Variants in CLPTM1 observed in about 807,000 individuals in gnomAD.
CLPTM1 encodes the protein CLPTM1 regulator of GABA type A receptor forward trafficking, also known as putative lipid scramblase CLPTM1.
Under a neutral mutation model 77.3 loss-of-function variants are expected in CLPTM1, and 21 were observed. The observed-to-expected ratio is 0.27, with a 90% confidence interval of 0.19 to 0.39. The LOEUF (loss-of-function observed/expected upper bound fraction) is 0.39, where lower values mean the gene tolerates loss of function less well. Among genes scored for constraint, CLPTM1 ranks in the 10% least tolerant of loss-of-function variants. CLPTM1 has a pLI of 1.00. For missense variants in CLPTM1, 642 were observed against 921.2 expected (o/e 0.70, Z 3.92); for synonymous variants, 373 against 381.0 (o/e 0.98, Z 0.24).
intron 5 of CLPTM1, among the ~76,000 whole-genome samples, chr19:44,978,233 C>T (rs1323849756): frequency 1.3e-5 from 2 of 151,826 alleles, no homozygotes; most frequent in Non-Finnish European, 2.9e-5. Flanking sequence ...GGTGAAACCC[C>T]GTCTCTACTA....
At chr19:44,979,687 C>G (rs1203631465) in intron 5 of CLPTM1, among the ~76,000 whole-genome samples, 2 of 152,136 alleles carry the variant, frequency 1.3e-5, no homozygotes, top group African/African-American at 4.8e-5. Flanking sequence ...ACTTGAGCCC[C>G]TTTCTGAGTG....
Position 44,991,217 on chromosome 19 carries a change from C to T in CLPTM1, c.1420-21C>T. 1.9e-6 allele frequency: 3 copies of T among 1,613,386 alleles called. No individual in the cohort carries two copies. The highest frequency in any genetic ancestry group is 2.5e-6 in the Non-Finnish European group (3 of 1,179,676). ...GCAGGGCTGAGGAGCTGGCTGACAG[C>T]CCCACCCTGTGGCCCCACAGATGGC... On this transcript the variant is annotated intron_variant, in intron 11 of 13. Transcript: ENST00000337392. The surrounding 1 kb of genome is among the most constrained non-coding windows in gnomAD (Gnocchi z 5.4).
At chr19:44,968,254 G>A (rs1970665153) in intron 2 of CLPTM1, among the ~76,000 whole-genome samples, 1 of 152,154 alleles carries the variant, frequency 6.6e-6, no homozygotes, top group Admixed American at 6.6e-5. Context: ...TTTGTTTTCA[G>A]GGGCCCATGA....
intron 2 of CLPTM1, among the ~76,000 whole-genome samples, chr19:44,970,474 A>C (rs1173171552): frequency 1.5e-5 from 2 of 137,182 alleles, no homozygotes; most frequent in Non-Finnish European, 3.0e-5. Flanking sequence ...ATCGTGGTTC[A>C]CTGCAGCCTC....
chr19:44,982,390 C>G (rs543900042), intron 5 of CLPTM1, among the ~76,000 whole-genome samples: 1 of 151,832 alleles, frequency 6.6e-6, no homozygotes, highest in Admixed American at 6.6e-5. Flanking sequence ...TATCATAGCA[C>G]TTCTTGGTTT....
At chr19:44,987,755 G>A in intron 8 of CLPTM1, 1 of 549,246 alleles carries the variant, frequency 1.8e-6, no homozygotes, top group South Asian at 2.1e-5. Flanking sequence ...ATGTCAGCCT[G>A]TGTCTGTGGC....
chr19:44,986,372 C>A (rs2122322943), intron 6 of CLPTM1, 83 bp from the exon 7 acceptor site: 1 of 1,509,978 alleles, frequency 6.6e-7, no homozygotes, highest in Non-Finnish European at 9.0e-7. Flanking sequence ...TTCTCGGGAA[C>A]CCTGGGGAGG....
At chr19:44,954,844 T>C, upstream of CLPTM1, 1 of 1,195,454 alleles carries the variant, frequency 8.4e-7, no homozygotes, top group East Asian at 2.6e-5. Flanking sequence ...GGATATGAGC[T>C]CAGGAGACTT....
rs762237926 is a variant in CLPTM1 at position 44,992,525 on chromosome 19, G to T, written c.1724-86G>T. On this transcript the variant is annotated intron_variant, in intron 13 of 13. Transcript: ENST00000337392. This position sits in a 1 kb window ranked among gnomAD's most constrained non-coding sequence, Gnocchi z 7.7. ...GCTCAGTCTGAGGGGGCTCGGCCCC[G>T]CCCTTGCATCACGCCCTCTCCACCC... 1 of 1,592,792 alleles carries T rather than the reference G, an allele frequency of 6.3e-7. No homozygotes were observed. The highest frequency in any genetic ancestry group is 8.6e-7 in the Non-Finnish European group (1 of 1,165,720).
chr19:44,967,008 A>AT (rs1298812392), intron 2 of CLPTM1, among the ~76,000 whole-genome samples: 3 of 152,016 alleles, frequency 2.0e-5, no homozygotes, highest in Non-Finnish European at 4.4e-5. Context: ...CGCCCGGCTA[A>AT]TTTTTTGTAT....
At chr19:44,981,748 T>C (rs1433978575) in intron 5 of CLPTM1, among the ~76,000 whole-genome samples, 1 of 149,116 alleles carries the variant, frequency 6.7e-6, no homozygotes, top group Non-Finnish European at 1.5e-5. Flanking sequence ...CCCCCCCTAA[T>C]AAAAATACAA....
In CLPTM1 at chr19:44,988,075, T is replaced by C; in HGVS notation, c.1039-5T>C. 1 of 1,604,256 alleles carries C rather than the reference T, an allele frequency of 6.2e-7. No homozygotes were observed. Among genetic ancestry groups the C allele is most frequent in the East Asian group, 2.2e-5 (1 of 44,834 alleles). ...ACAGGCTGTGCTCACATGTGTCCCC[T>C]GCAGGTGGCCCTGCTGGAGACCAAC... On this transcript the variant is annotated splice_polypyrimidine_tract_variant and splice_region_variant and intron_variant, in intron 8 of 13. Coordinates refer to ENST00000337392, the MANE Select transcript of CLPTM1 (RefSeq NM_001294.4).
intron 9 of CLPTM1, among the ~76,000 whole-genome samples, chr19:44,989,052 G>A (rs1366178508): frequency 6.6e-6 from 1 of 152,138 alleles, no homozygotes; most frequent in African/African-American, 2.4e-5. Flanking sequence ...GCATGGCAGC[G>A]TGTGCCTATG....
chr19:44,955,654 T>G, intron 1 of CLPTM1, 187 bp downstream of exon 1: 1 of 509,898 alleles, frequency 2.0e-6, no homozygotes, highest in Non-Finnish European at 3.0e-6. Context: ...CAGGGCCCTG[T>G]TGCGGGTCGG....
chr19:44,986,660 C>A (rs1479670021), intron 7 of CLPTM1, 85 bp downstream of exon 7: 12 of 1,526,596 alleles, frequency 7.9e-6, no homozygotes, highest in Non-Finnish European at 8.8e-6. Flanking sequence ...CTGGCCCTGT[C>A]CCCCTGAGAG....
chr19:44,969,821 G>A (rs577424315), intron 2 of CLPTM1, among the ~76,000 whole-genome samples: 9 of 151,616 alleles, frequency 5.9e-5, no homozygotes, highest in Non-Finnish European at 1.2e-4. Context: ...CCAAGTAGCT[G>A]GGATTACAGG....
chr19:44,967,175 T>C (rs957687258), intron 2 of CLPTM1, among the ~76,000 whole-genome samples: 1 of 151,660 alleles, frequency 6.6e-6, no homozygotes, highest in Non-Finnish European at 1.5e-5. Flanking sequence ...AAAAATTAGC[T>C]GGGTGTGATG....
chr19:44,965,541 C>T (rs530106143), intron 2 of CLPTM1, among the ~76,000 whole-genome samples: 4 of 151,646 alleles, frequency 2.6e-5, no homozygotes, highest in South Asian at 4.2e-4. Context: ...TGGCTGGGCG[C>T]GGTGGCTCAC....
chr19:44,955,187 A>C (rs922624513), upstream of CLPTM1: 4 of 1,534,526 alleles, frequency 2.6e-6, no homozygotes, highest in Non-Finnish European at 3.5e-6. Flanking sequence ...TATTAGGTGG[A>C]AACAAACGGG....
Sources: gnomAD v4.1 joint callset for allele counts (sites outside exome capture counted in the v4.1 genomes callset) on GRCh38, gnomAD v4.1.1 for gene constraint, Gnocchi (gnomAD v3.1) non-coding constraint, MANE v1.5 for transcripts, NCBI Gene and HGNC (gene_info 2026-07-23, HGNC 2026-07-21) for gene names.